Variants in RPP30 observed in about 807,000 individuals in gnomAD.
RPP30 encodes the protein ribonuclease P/MRP subunit p30.
A neutral mutation model predicts 38.6 loss-of-function variants in RPP30; 36 were observed. The ratio of observed to expected loss-of-function variants is 0.93; its 90% CI spans 0.71 to 1.23. The LOEUF is 1.23. RPP30 is among the 50% of genes most tolerant of loss of function. The pLI, the probability that RPP30 is intolerant of heterozygous loss-of-function variation, is 0.00. For missense variants in RPP30, 321 were observed against 321.7 expected, an observed-to-expected ratio of 1.00 and a Z score of 0.02; for synonymous variants, 126 against 112.7, an observed-to-expected ratio of 1.12 and a Z score of -0.75.
chr10:90,894,590 C>G (rs10881847), intron 6 of RPP30, among the ~76,000 whole-genome samples, 185 bp from the exon 7 acceptor site: 1 of 151,964 alleles, frequency 6.6e-6, no homozygotes, highest in Non-Finnish European at 1.5e-5. Flanking sequence ...AGTAGAGCCA[C>G]GGATTTATTT....
At chr10:90,894,694 G>C (rs1847119518) in intron 6 of RPP30, 81 bp from the exon 7 acceptor site, 1 of 962,714 alleles carries the variant, frequency 1.0e-6, no homozygotes, top group Middle Eastern at 2.1e-4. Context: ...GGAGTGAGGA[G>C]GGATGTGAAG....
intron 5 of RPP30, among the ~76,000 whole-genome samples, chr10:90,884,229 T>G (rs895162748): frequency 1.4e-4 from 22 of 152,348 alleles, no homozygotes; most frequent in East Asian, 5.8e-4. Flanking sequence ...TTAGAGTCTC[T>G]GCACTTATAG....
chr10:90,908,374 A>G (rs942711613), exon 5 of RPP30: 11 of 152,142 alleles, frequency 7.2e-5, no homozygotes, highest in Middle Eastern at 3.4e-3. Flanking sequence ...ACCTCCTTTT[A>G]TTGTGCTTCA....
chr10:90,878,731 A>T (rs1199051162), intron 4 of RPP30, among the ~76,000 whole-genome samples: 1 of 152,174 alleles, frequency 6.6e-6, no homozygotes, highest in Non-Finnish European at 1.5e-5. Flanking sequence ...GGGCTCAGGC[A>T]GTCCTCCCAC....
At position 90,895,463 on chromosome 10, in the gene RPP30, A is replaced by G. The variant is rs1554863088; in HGVS notation, c.559A>G (p.Ile187Val). 7.0e-7 allele frequency: 1 copy of G among 1,430,226 alleles called. No homozygotes were observed. The highest frequency in any genetic ancestry group is 1.5e-5 in the South Asian group (1 of 64,942). The allele number at this position is 1,430,226 out of a possible 1,614,324, so 88.6% of individuals were successfully genotyped here. Reference protein sequence around the residue: ...MQICKGKNVIISSAAERPLEI... With the variant: ...MQICKGKNVIVSSAAERPLEI... ...ACTTTCTATTTTGTAGAATGTAATT[A>G]TATCTAGTGCTGCAGAAAGGGTAAG... The change falls in exon 8 of 11, where the codon ATA becomes GTA. Residue 187 changes from isoleucine to valine, a missense_variant. Ile to Val is a conservative substitution (Grantham distance 29). Coordinates refer to ENST00000371703, the MANE Select transcript of RPP30 (RefSeq NM_006413.5).
At chr10:90,907,740 A>G (rs1410515878), downstream of RPP30, among the ~76,000 whole-genome samples, 1 of 152,208 alleles carries the variant, frequency 6.6e-6, no homozygotes, top group Non-Finnish European at 1.5e-5. Flanking sequence ...TACCTTTCAG[A>G]CAAACCCTAA....
chr10:90,893,814 TA>T (rs1466942907), intron 6 of RPP30, among the ~76,000 whole-genome samples: 1 of 152,228 alleles, frequency 6.6e-6, no homozygotes, highest in Non-Finnish European at 1.5e-5. Context: ...TCTCCCCCAC[TA>T]AAATGTAAGC....
At chr10:90,877,216 G>A (rs1487273955) in intron 4 of RPP30, among the ~76,000 whole-genome samples, 2 of 152,094 alleles carry the variant, frequency 1.3e-5, no homozygotes, top group Non-Finnish European at 2.9e-5. Flanking sequence ...AGAGTCTGAG[G>A]CAGGAGAATC....
intron 6 of RPP30, among the ~76,000 whole-genome samples, chr10:90,893,973 G>A (rs1028789709): frequency 7.9e-5 from 12 of 152,166 alleles, no homozygotes; most frequent in Non-Finnish European, 1.6e-4. Flanking sequence ...CTACTTACCT[G>A]TGGATCCCTC....
intron 5 of RPP30, among the ~76,000 whole-genome samples, chr10:90,885,603 G>A (rs10509612): frequency 0.21 from 32,252 of 152,032 alleles, 4,358 homozygotes; most frequent in African/African-American, 0.37. Context: ...GACATATTCC[G>A]CTTTTGCTGG....
At chr10:90,885,172 T>C (rs1846983631) in intron 5 of RPP30, among the ~76,000 whole-genome samples, 1 of 152,222 alleles carries the variant, frequency 6.6e-6, no homozygotes, top group Non-Finnish European at 1.5e-5. Flanking sequence ...CAACAAGTCA[T>C]AGCAAAAATT....
intron 8 of RPP30, 134 bp downstream of exon 8, chr10:90,895,617 T>G (rs186537533): frequency 1.4e-5 from 8 of 571,740 alleles, no homozygotes; most frequent in Non-Finnish European, 2.0e-5. Context: ...CTCATTGTAA[T>G]TGCTAAATAG....
chr10:90,901,140 ATT>A lies in RPP30; in HGVS notation c.*482_*483del, dbSNP rs59418716. ...CAGGTGTGCACTACCACACCTGGCT[ATT>A]TTTTTTTTTTTTTTTTTTTTCCCTT... is the stretch of plus-strand genomic sequence containing the variant. On this transcript the variant is annotated 3_prime_UTR_variant, in exon 11 of 11. Transcript: ENST00000371703. 3,930 of 120,052 alleles carry A rather than the reference ATT, an allele frequency of 0.033. 55 individuals are homozygous for A. The highest frequency in any genetic ancestry group is 0.054 in the African/African-American group (1,478 of 27,626). The allele number at this position is 120,052 out of a possible 1,614,324, so 7.4% of individuals were successfully genotyped here. A position where few individuals can be genotyped will look rare whatever the true frequency, so the allele number is the denominator to read the frequency against.
intron 4 of RPP30, 77 bp from the exon 5 acceptor site, chr10:90,878,986 T>A: frequency 8.4e-7 from 1 of 1,184,252 alleles, no homozygotes. Flanking sequence ...GAAATATAAG[T>A]GTGAGTCAAT....
At chr10:90,880,644 C>T (rs1435605168) in intron 5 of RPP30, among the ~76,000 whole-genome samples, 2 of 152,176 alleles carry the variant, frequency 1.3e-5, no homozygotes, top group Admixed American at 6.5e-5. Context: ...TGCTTGAACC[C>T]AGGAGGCAGA....
chr10:90,876,833 G>A (rs1170956940), intron 4 of RPP30, among the ~76,000 whole-genome samples: 1 of 152,110 alleles, frequency 6.6e-6, no homozygotes, highest in African/African-American at 2.4e-5. Context: ...GAGTTAAGGA[G>A]GGTACTTAAG....
intron 9 of RPP30, 65 bp from the exon 10 acceptor site, chr10:90,896,248 T>G: frequency 7.1e-7 from 1 of 1,414,004 alleles, no homozygotes; most frequent in Non-Finnish European, 1.0e-6. Flanking sequence ...GCACTTTCTG[T>G]TATGTTTGTG....
Position 90,895,933 on chromosome 10 carries a change from TA to T in RPP30, c.617+21del. 6.3e-7 allele frequency: 1 copy of T among 1,589,020 alleles called. No homozygotes were observed. Among genetic ancestry groups the T allele is most frequent in the Non-Finnish European group, 8.6e-7 (1 of 1,165,202 alleles). ...TGGCAAATCTGTATCCTTTTCTGAG[TA>T]AAAAGTTGTTGACATTGTCTTTCAG... On this transcript the variant is annotated intron_variant, in intron 9 of 10. Transcript: ENST00000371703.
At chr10:90,908,422 T>C (rs1344216531) in exon 5 of RPP30, 1 of 152,154 alleles carries the variant, frequency 6.6e-6, no homozygotes, top group African/African-American at 2.4e-5. Context: ...TTTTTACAAG[T>C]TGAAGATTTG....
Sources: gnomAD v4.1 joint callset for allele counts (sites outside exome capture counted in the v4.1 genomes callset) on GRCh38, gnomAD v4.1.1 for gene constraint, MANE v1.5 for transcripts, NCBI Gene and HGNC (gene_info 2026-07-23, HGNC 2026-07-21) for gene names.